CNKSR3: variants seen among roughly 807,000 people sequenced by gnomAD.
CNKSR3 encodes connector enhancer of kinase suppressor of ras 3.
A neutral mutation model predicts 67.7 loss-of-function variants in CNKSR3; 36 were observed. The ratio of observed to expected loss-of-function variants is 0.53; its 90% CI spans 0.41 to 0.70. The LOEUF is 0.70. Among genes scored for constraint, CNKSR3 ranks in the 30% least tolerant of loss-of-function variants. The pLI, the probability that CNKSR3 is intolerant of heterozygous loss-of-function variation, is 0.00. For synonymous variants in CNKSR3, 281 were observed against 271.4 expected (o/e 1.04, Z -0.35); for missense variants, 630 against 695.2 (o/e 0.91, Z 1.05).
intron 9 of CNKSR3, among the ~76,000 whole-genome samples, chr6:154,420,806 T>C (rs911158776): frequency 6.6e-6 from 1 of 151,710 alleles, no homozygotes; most frequent in Non-Finnish European, 1.5e-5. Flanking sequence ...GTATGTGAGG[T>C]AATAAACGTA....
intron 12 of CNKSR3, among the ~76,000 whole-genome samples, chr6:154,407,872 G>GAAAAAAAA (rs56406534): frequency 7.3e-5 from 5 of 68,660 alleles, no homozygotes; most frequent in Non-Finnish European, 1.0e-4. Flanking sequence ...TTTAGAATTT[G>GAAAAAAAA]AAAAAAAAAA....
intron 8 of CNKSR3, 40 bp downstream of exon 8, chr6:154,422,875 G>C (rs2128713953): frequency 6.7e-7 from 1 of 1,487,942 alleles, no homozygotes; most frequent in African/African-American, 1.4e-5. Flanking sequence ...TTAATTAAAA[G>C]TTTTAAGGAG....
intron 4 of CNKSR3, chr6:154,434,065 C>T (rs1785423034): frequency 6.6e-6 from 1 of 152,180 alleles, no homozygotes; most frequent in South Asian, 2.1e-4. Context: ...CATTCATTAA[C>T]ACACTGACAA....
chr6:154,491,090 G>A (rs969142791), intron 1 of CNKSR3, among the ~76,000 whole-genome samples: 14 of 152,066 alleles, frequency 9.2e-5, no homozygotes, highest in East Asian at 3.9e-4. Flanking sequence ...CAGGTGATCC[G>A]CCCACCTCGG....
At position 154,483,261 on chromosome 6, in the gene CNKSR3, T is replaced by C. The variant is rs1021085719; in HGVS notation, c.52+26802A>G. Among the ~76,000 whole-genome samples, 11 of 152,156 alleles carry C rather than the reference T, an allele frequency of 7.2e-5. 1 individual carries two copies. In the East Asian group the frequency reaches 1.3e-3, roughly 19 times the overall value. Reference sequence around the variant, plus strand: ...AGCCTGTTCATCATCACGCCAGCCATCATATGCAGACATTTAACGTTCTTT... The same window carrying C: ...AGCCTGTTCATCATCACGCCAGCCACCATATGCAGACATTTAACGTTCTTT... On this transcript the variant is annotated intron_variant, in intron 1 of 12. Coordinates refer to ENST00000607772, the MANE Select transcript of CNKSR3 (RefSeq NM_173515.4).
Position 154,398,050 on chromosome 6 carries a change from T to C in CNKSR3, c.*8304A>G, listed in dbSNP as rs905696147. 6.6e-6 allele frequency: 1 copy of C among 152,224 alleles called. No homozygotes were observed. The highest frequency in any genetic ancestry group is 2.4e-5 in the African/African-American group (1 of 41,476). 9.4% of individuals were successfully genotyped at this position (152,224 alleles called of 1,614,324 possible). The stretch of plus-strand genomic sequence containing the variant: ...AACTGCAGATTATGCAGGTAAAATA[T>C]GGCCACATATCCACACCTTCACAGG... On this transcript the variant is annotated 3_prime_UTR_variant, in exon 13 of 13. Transcript: ENST00000607772.
chr6:154,496,587 C>T (rs1786883647), intron 1 of CNKSR3, among the ~76,000 whole-genome samples: 1 of 152,128 alleles, frequency 6.6e-6, no homozygotes, highest in African/African-American at 2.4e-5. Context: ...TTTAAATATA[C>T]AGTCATATCA....
chr6:154,484,135 C>T (rs1423880467), intron 1 of CNKSR3, among the ~76,000 whole-genome samples: 2 of 152,144 alleles, frequency 1.3e-5, no homozygotes, highest in African/African-American at 4.8e-5. Context: ...ATGTCATTAA[C>T]GACAAAATAA....
intron 2 of CNKSR3, 147 bp from the exon 3 acceptor site, chr6:154,442,437 A>G (rs1432446622): frequency 1.6e-6 from 1 of 635,688 alleles, no homozygotes; most frequent in East Asian, 2.9e-5. Context: ...CCTGGCTAAC[A>G]CGGTGAAACC....
intron 2 of CNKSR3, among the ~76,000 whole-genome samples, chr6:154,445,149 AAAT>A (rs145634839): frequency 1.6e-4 from 24 of 152,288 alleles, no homozygotes; most frequent in Admixed American, 1.3e-4. Context: ...GTGAAACAAA[AAAT>A]AATATTTAAA....
chr6:154,415,987 GT>G (rs1785017096), intron 9 of CNKSR3, among the ~76,000 whole-genome samples: 1 of 152,126 alleles, frequency 6.6e-6, no homozygotes, highest in Non-Finnish European at 1.5e-5. Context: ...ACATAAAAAG[GT>G]ACCCTTAGGC....
chr6:154,444,287 T>C (rs913590070), intron 2 of CNKSR3, among the ~76,000 whole-genome samples: 2 of 152,148 alleles, frequency 1.3e-5, no homozygotes, highest in Non-Finnish European at 2.9e-5. Flanking sequence ...AAGGTAGAAA[T>C]GTTTTTATCT....
chr6:154,509,838 A>G (rs1323207893), intron 1 of CNKSR3, among the ~76,000 whole-genome samples: 2 of 152,134 alleles, frequency 1.3e-5, no homozygotes, highest in Non-Finnish European at 2.9e-5. Flanking sequence ...GTTTAAAGAT[A>G]GGGCTCCCCT....
intron 1 of CNKSR3, among the ~76,000 whole-genome samples, chr6:154,507,505 G>A (rs1212587750): frequency 6.6e-6 from 1 of 152,162 alleles, no homozygotes; most frequent in Admixed American, 6.5e-5. Flanking sequence ...ATAAGCAGAC[G>A]AGCTTTTGTA....
chr6:154,496,946 C>T (rs1786890321), intron 1 of CNKSR3, among the ~76,000 whole-genome samples: 1 of 152,168 alleles, frequency 6.6e-6, no homozygotes, highest in Non-Finnish European at 1.5e-5. Context: ...TTGCTATCTA[C>T]GCAAGCTCAG....
intron 1 of CNKSR3, among the ~76,000 whole-genome samples, chr6:154,483,033 G>T (rs1165052204): frequency 2.0e-5 from 3 of 152,216 alleles, no homozygotes; most frequent in African/African-American, 7.2e-5. Context: ...CTGAAAGGCA[G>T]TTCTGTCTGG....
At chr6:154,467,618 C>A (rs4538722) in intron 1 of CNKSR3, among the ~76,000 whole-genome samples, 53,510 of 151,986 alleles carry the variant, frequency 0.35, 10,014 homozygotes, top group African/African-American at 0.47. Flanking sequence ...GGGAAAATCA[C>A]ACATTAGAAT....
rs868573990 is a variant in CNKSR3 at position 154,456,527 on chromosome 6, A to G, written c.53-6269T>C. Reference sequence around the variant, plus strand: ...AGCCTGGCCAACATGGTGAAACACCATCTCTACTAAAAATACAAAAAAAAA... The same window carrying G: ...AGCCTGGCCAACATGGTGAAACACCGTCTCTACTAAAAATACAAAAAAAAA... On this transcript the variant is annotated intron_variant, in intron 1 of 12. Coordinates refer to ENST00000607772, the MANE Select transcript of CNKSR3 (RefSeq NM_173515.4). Among the ~76,000 whole-genome samples the G allele has an allele frequency of 1.6e-3, 235 of 144,184 alleles. 1 individual carries two copies. Among genetic ancestry groups the G allele is most frequent in the African/African-American group, 5.6e-3 (218 of 38,714 alleles). 94.6% of individuals were successfully genotyped at this position (144,184 alleles called of 152,430 possible). A position where few individuals can be genotyped will look rare whatever the true frequency, so the allele number is the denominator to read the frequency against.
At chr6:154,489,703 G>A (rs1333984780) in intron 1 of CNKSR3, among the ~76,000 whole-genome samples, 7 of 152,140 alleles carry the variant, frequency 4.6e-5, no homozygotes, top group Admixed American at 3.9e-4. Flanking sequence ...GGGGCGTGGG[G>A]TTAGGGAATC....
Sources: gnomAD v4.1 joint callset for allele counts (sites outside exome capture counted in the v4.1 genomes callset) on GRCh38, gnomAD v4.1.1 for gene constraint, MANE v1.5 for transcripts, NCBI Gene and HGNC (gene_info 2026-07-23, HGNC 2026-07-21) for gene names.